The following UMAD1 variants were observed in gnomAD, a reference collection of about 807,000 sequenced individuals.
UMAD1 encodes UBAP1-MVB12-associated (UMA) domain containing 1, also known as UBAP1-MVB12-associated (UMA)-domain containing protein 1.
UMAD1 carries 8 observed loss-of-function variants against 6.1 expected under a neutral mutation model. The ratio of observed to expected loss-of-function variants is 1.30; its 90% CI spans 0.76 to 2.35. The LOEUF (loss-of-function observed/expected upper bound fraction) is 2.35, where lower values mean the gene tolerates loss of function less well. Among genes scored for constraint, UMAD1 ranks in the 30% most tolerant of loss-of-function variants. UMAD1 has a pLI of 0.00. For missense variants in UMAD1, 130 were observed against 78.4 expected, an observed-to-expected ratio of 1.66 and a Z score of -2.49; for synonymous variants, 56 against 31.4, an observed-to-expected ratio of 1.78 and a Z score of -2.61.
chr7:7,788,402 C>G (rs963467631), intron 2 of UMAD1, among the ~76,000 whole-genome samples: 1 of 152,158 alleles, frequency 6.6e-6, no homozygotes, highest in Non-Finnish European at 1.5e-5. Context: ...CAAGCAGGTT[C>G]TCATACTATT....
chr7:7,741,923 CGTA>C (rs1466510975), intron 2 of UMAD1: 3 of 176,484 alleles, frequency 1.7e-5, no homozygotes, highest in African/African-American at 5.4e-5. Flanking sequence ...TTATTTTTAG[CGTA>C]ATAAAATCAA....
At chr7:7,808,509 A>C (rs1782962524) in intron 3 of UMAD1, among the ~76,000 whole-genome samples, 1 of 151,992 alleles carries the variant, frequency 6.6e-6, no homozygotes. Flanking sequence ...TTTAAGGTGT[A>C]TTTTGGGAAT....
chr7:7,872,097 A>C (rs1347324161), intron 3 of UMAD1, among the ~76,000 whole-genome samples: 1 of 151,976 alleles, frequency 6.6e-6, no homozygotes, highest in Non-Finnish European at 1.5e-5. Flanking sequence ...ATAAAAAATA[A>C]AAAATAAAAA....
intron 2 of UMAD1, among the ~76,000 whole-genome samples, chr7:7,734,328 G>C (rs17136904): frequency 0.081 from 12,221 of 151,726 alleles, 534 homozygotes; most frequent in African/African-American, 0.12. Context: ...GAAATTCTTT[G>C]GTTCCTGTGC....
intron 2 of UMAD1, among the ~76,000 whole-genome samples, chr7:7,775,680 T>C (rs775164719): frequency 6.6e-6 from 1 of 152,174 alleles, no homozygotes; most frequent in Non-Finnish European, 1.5e-5. Context: ...TATGGAGAAA[T>C]TGGAATTGCA....
chr7:7,649,470 T>C (rs1280129275), intron 1 of UMAD1, among the ~76,000 whole-genome samples: 1 of 152,262 alleles, frequency 6.6e-6, no homozygotes, highest in Non-Finnish European at 1.5e-5. Flanking sequence ...CACTGTTGCA[T>C]TGGCAATTAA....
At chr7:7,762,686 C>CAG (rs1428965486) in intron 2 of UMAD1, among the ~76,000 whole-genome samples, 1 of 152,156 alleles carries the variant, frequency 6.6e-6, no homozygotes, top group Non-Finnish European at 1.5e-5. Context: ...ATAGTGCAGA[C>CAG]AGAGACAGGA....
At chr7:7,753,054 C>T (rs947400039) in intron 2 of UMAD1, among the ~76,000 whole-genome samples, 2 of 152,132 alleles carry the variant, frequency 1.3e-5, no homozygotes, top group Admixed American at 1.3e-4. Flanking sequence ...CTCCTCCACT[C>T]TCATTTGTAA....
chr7:7,646,070 G>A (rs975132613), intron 1 of UMAD1, among the ~76,000 whole-genome samples: 1 of 152,182 alleles, frequency 6.6e-6, no homozygotes, highest in Non-Finnish European at 1.5e-5. Context: ...CCCCATGGCA[G>A]TGTCTAGGGG....
intron 3 of UMAD1, among the ~76,000 whole-genome samples, chr7:7,832,784 G>T (rs1395371769): frequency 6.6e-6 from 1 of 152,172 alleles, no homozygotes; most frequent in Non-Finnish European, 1.5e-5. Context: ...AGGTGCTTCT[G>T]TCTGCAAGCT....
intron 2 of UMAD1, among the ~76,000 whole-genome samples, chr7:7,716,084 A>G (rs1780894795): frequency 6.6e-6 from 1 of 152,202 alleles, no homozygotes; most frequent in Non-Finnish European, 1.5e-5. Flanking sequence ...AAATGAAATT[A>G]TGGATGCAGA....
chr7:7,745,809 A>T (rs1563173382), intron 2 of UMAD1, among the ~76,000 whole-genome samples: 1 of 152,092 alleles, frequency 6.6e-6, no homozygotes, highest in Non-Finnish European at 1.5e-5. Context: ...ATTCCCCCTC[A>T]TTGGAGCTCT....
At chr7:7,780,397 G>C (rs760908655) in intron 2 of UMAD1, among the ~76,000 whole-genome samples, 6 of 152,122 alleles carry the variant, frequency 3.9e-5, no homozygotes, top group African/African-American at 1.4e-4. Context: ...AACTGGAACT[G>C]TATTTTATGC....
intron 2 of UMAD1, among the ~76,000 whole-genome samples, chr7:7,782,791 C>T (rs904959270): frequency 6.9e-6 from 1 of 144,948 alleles, no homozygotes; most frequent in Non-Finnish European, 1.5e-5. Context: ...GGTTGGAGTG[C>T]AGTGGCGTGA....
At chr7:7,760,342 A>G (rs753963212) in intron 2 of UMAD1, among the ~76,000 whole-genome samples, 19 of 151,900 alleles carry the variant, frequency 1.3e-4, no homozygotes, top group Non-Finnish European at 2.6e-4. Context: ...GAGCTGTGAG[A>G]TATAATACAA....
intron 1 of UMAD1, among the ~76,000 whole-genome samples, chr7:7,649,158 CAAAAAA>C (rs34943326): frequency 7.8e-6 from 1 of 128,874 alleles, no homozygotes. Context: ...GACTCCATCT[CAAAAAA>C]AAAAAAAAAA....
chr7:7,744,637 T>C (rs1367329356), intron 2 of UMAD1, among the ~76,000 whole-genome samples: 1 of 151,746 alleles, frequency 6.6e-6, no homozygotes, highest in East Asian at 1.9e-4. Context: ...GAGTGTGATA[T>C]AGTAGTTCAT....
chr7:7,857,067 G>A (rs7777450), intron 3 of UMAD1, among the ~76,000 whole-genome samples: 112,712 of 152,076 alleles, frequency 0.74, 42,387 homozygotes, highest in African/African-American at 0.83. Context: ...CACATTATTC[G>A]GTTTTTGTTT....
rs571437745 is a variant in UMAD1, at chr7:7,854,952, G to A, written c.157-22329G>A. ...GGGAGAAATGGGCCAAAACAAAGGG[G>A]CTACAGGCCCCATGCAAGTTTGAAA... On this transcript the variant is annotated intron_variant, in intron 3 of 3. Transcript: ENST00000682710. Among the ~76,000 whole-genome samples, 197 of 152,302 alleles carry A rather than the reference G, an allele frequency of 1.3e-3. 1 individual carries two copies. Among genetic ancestry groups the A allele is most frequent in the Middle Eastern group, 3.4e-3 (1 of 294 alleles).
Sources: allele counts gnomAD v4.1 joint callset (sites outside exome capture counted in the v4.1 genomes callset), GRCh38; gene constraint gnomAD v4.1.1; transcripts MANE v1.5; gene names NCBI Gene and HGNC (gene_info 2026-07-23, HGNC 2026-07-21).